The following ACACB variants were observed in gnomAD, a reference collection of about 807,000 sequenced individuals.
ACACB encodes the protein acetyl-CoA carboxylase 2.
A neutral mutation model predicts 278.8 loss-of-function variants in ACACB; 209 were observed. The observed-to-expected ratio is 0.75, with a 90% CI of 0.67 to 0.84. The LOEUF is 0.84. Among genes scored for constraint, ACACB ranks in the 40% least tolerant of loss-of-function variants. ACACB has a pLI of 0.00. For synonymous variants in ACACB, 1,174 were observed against 1,285.6 expected (o/e 0.91, Z 1.86); for missense variants, 2,850 against 3,269.0 (o/e 0.87, Z 3.13).
At chr12:109,243,147 A>G (rs1232472358) in intron 37 of ACACB, among the ~76,000 whole-genome samples, 3 of 152,246 alleles carry the variant, frequency 2.0e-5, no homozygotes, top group Non-Finnish European at 4.4e-5. Flanking sequence ...CCACACTCTG[A>G]TGACAAATTG....
intron 37 of ACACB, among the ~76,000 whole-genome samples, chr12:109,244,342 C>A (rs1054459589): frequency 6.6e-6 from 1 of 152,176 alleles, no homozygotes; most frequent in Admixed American, 6.5e-5. Flanking sequence ...TTCCTGCTGT[C>A]CCTAGCCAAG....
In ACACB at chr12:109,132,653, A is replaced by G. The variant is rs576623315; in HGVS notation, c.-9-6744A>G. On this transcript the variant is annotated intron_variant, in intron 1 of 52. Transcript: ENST00000338432. ...TTTATAGATGAGGAAACTGAGGCTCAGAGAGTTTCTTCTGTAGCTTTCTCA... is the reference window on the plus strand; with the variant it reads ...TTTATAGATGAGGAAACTGAGGCTCGGAGAGTTTCTTCTGTAGCTTTCTCA... Among the ~76,000 whole-genome samples the G allele has an allele frequency of 1.1e-4, 17 of 152,318 alleles. No individual in the cohort carries two copies. The South Asian group carries it at 1.7e-3, about 15-fold the overall frequency.
chr12:109,256,212 AGACCGTGGT>A lies in ACACB; in HGVS notation c.6243_6251del (p.Val2082_Thr2084del). On this transcript the variant is annotated inframe_deletion, in exon 45 of 53. Coordinates refer to ENST00000338432, the MANE Select transcript of ACACB (RefSeq NM_001093.4). ...AAGGAAATCATGGCACCCTGGGCGC[AGACCGTGGT>A]GACAGGACGAGCAAGGTAATCATGA... 1 of 1,613,978 alleles carries A rather than the reference AGACCGTGGT, an allele frequency of 6.2e-7. No homozygotes were observed. The highest frequency in any genetic ancestry group is 1.1e-5 in the South Asian group (1 of 91,078).
chr12:109,217,954 C>G (rs892111368), intron 24 of ACACB, among the ~76,000 whole-genome samples: 1 of 152,194 alleles, frequency 6.6e-6, no homozygotes, highest in Non-Finnish European at 1.5e-5. Context: ...ATTTAATTCA[C>G]GCAGCAGTCC....
At chr12:109,188,592 C>T (rs577261933) in intron 13 of ACACB, among the ~76,000 whole-genome samples, 194 of 151,688 alleles carry the variant, frequency 1.3e-3, no homozygotes, top group Non-Finnish European at 2.2e-3. Context: ...AGAAATGAAA[C>T]GGTCCCCTGG....
intron 48 of ACACB, among the ~76,000 whole-genome samples, chr12:109,260,893 TATG>T (rs1199343696): frequency 2.0e-5 from 3 of 152,160 alleles, no homozygotes; most frequent in African/African-American, 7.2e-5. Context: ...AAAAGGGAAA[TATG>T]ATGAGCCATT....
intron 11 of ACACB, among the ~76,000 whole-genome samples, chr12:109,181,151 C>G (rs2044451850): frequency 6.6e-6 from 1 of 151,734 alleles, no homozygotes; most frequent in Non-Finnish European, 1.5e-5. Context: ...TGTTGCAAAT[C>G]ATGGTCTCAT....
intron 47 of ACACB, 191 bp from the exon 48 acceptor site, chr12:109,260,289 C>T: frequency 1.8e-6 from 2 of 1,131,826 alleles, no homozygotes; most frequent in Non-Finnish European, 2.6e-6. Flanking sequence ...CTGAGGCCCA[C>T]ACTGGGTGAA....
At chr12:109,212,789 G>A (rs2045887375) in intron 21 of ACACB, 47 bp from the exon 22 acceptor site, 1 of 1,510,546 alleles carries the variant, frequency 6.6e-7, no homozygotes, top group Non-Finnish European at 9.2e-7. Context: ...ACTGCTGTGT[G>A]TCATCTGAAT....
At chr12:109,206,552 G>A (rs12818314) in intron 19 of ACACB, among the ~76,000 whole-genome samples, 158 bp from the exon 20 acceptor site, 59,626 of 151,818 alleles carry the variant, frequency 0.39, 12,454 homozygotes, top group African/African-American at 0.54. Flanking sequence ...GAGTTTGGCC[G>A]TTTTAACTTT....
intron 2 of ACACB, among the ~76,000 whole-genome samples, chr12:109,144,075 G>A (rs1408138697): frequency 6.6e-6 from 1 of 152,148 alleles, no homozygotes; most frequent in Non-Finnish European, 1.5e-5. Context: ...TACTTTGGGA[G>A]GCTGAGGTGG....
At position 109,168,040 on chromosome 12, in the gene ACACB, TG is replaced by T. The variant is rs1372459250; in HGVS notation, c.925+9del. ...GGACCTTAAGGCCAACGCAGGTACC[TG>T]GGCCTTGACCCTCTCCTCCCATCAC... On this transcript the variant is annotated splice_region_variant and intron_variant, in intron 4 of 52. Transcript: ENST00000338432. 4 of 1,601,586 alleles carry T rather than the reference TG, an allele frequency of 2.5e-6. No individual in the cohort carries two copies. Among genetic ancestry groups the T allele is most frequent in the Non-Finnish European group, 3.4e-6 (4 of 1,172,962 alleles).
chr12:109,240,044 G>C, intron 35 of ACACB, 59 bp downstream of exon 35: 1 of 1,562,768 alleles, frequency 6.4e-7, no homozygotes, highest in Non-Finnish European at 8.7e-7. Context: ...GAGCCATGCT[G>C]CTTTGGGGTA....
intron 2 of ACACB, among the ~76,000 whole-genome samples, chr12:109,152,718 C>T (rs1266256674): frequency 2.9e-5 from 4 of 138,054 alleles, no homozygotes; most frequent in Admixed American, 1.6e-4. Context: ...GATCATGGCT[C>T]ACTGCAGCCT....
chr12:109,217,467 G>C (rs2046037055), intron 24 of ACACB, among the ~76,000 whole-genome samples: 1 of 152,050 alleles, frequency 6.6e-6, no homozygotes, highest in Non-Finnish European at 1.5e-5. Context: ...AGGAGTTCAA[G>C]TCCAGCCTAG....
In ACACB at chr12:109,235,603, C is replaced by T. The variant is rs1246864377; in HGVS notation, c.4405-3C>T. 1 of 1,612,346 alleles carries T rather than the reference C, an allele frequency of 6.2e-7. No homozygotes were observed. The highest frequency in any genetic ancestry group is 8.5e-7 in the Non-Finnish European group (1 of 1,178,642). On this transcript the variant is annotated splice_region_variant and splice_polypyrimidine_tract_variant and intron_variant, in intron 32 of 52. Coordinates refer to ENST00000338432, the MANE Select transcript of ACACB (RefSeq NM_001093.4). ...TGTCTTGTGTGTGGATTTCTTTTTG[C>T]AGAAAGAATTTCCCAAGTTTTTCAC...
At chr12:109,118,412 CT>C (rs59488592) in intron 1 of ACACB, among the ~76,000 whole-genome samples, 27,785 of 129,200 alleles carry the variant, frequency 0.22, 2,010 homozygotes, top group East Asian at 0.31. Flanking sequence ...TGACCTTGTT[CT>C]TTTTTTTTTT....
intron 33 of ACACB, 129 bp downstream of exon 33, chr12:109,235,776 T>C (rs779229630): frequency 1.3e-6 from 1 of 794,980 alleles, no homozygotes. Context: ...GGCAGGAGGT[T>C]TGCTTGAGCT....
rs779523944 is a variant in ACACB, at chr12:109,171,890, C to G, written c.1011C>G (p.Asp337Glu). ...NNYANVELIVDIAKRIPVQAV... is the reference protein window; with the variant it reads ...NNYANVELIVEIAKRIPVQAV... ...ATGCCAACGTGGAGCTGATTGTGGA[C>G]ATTGCCAAGAGAATCCCCGTGCAGG... The change falls in exon 5 of 53, where the codon GAC (aspartate) becomes GAG (glutamate). Residue 337 changes from aspartate (D) to glutamate (E), a missense_variant. Asp to Glu is a conservative substitution (Grantham distance 45, BLOSUM62 2). Around this residue, in one of 3 missense-constraint regions of ACACB, gnomAD observed 2,265 missense variants for 2,561.3 expected, o/e 0.88. Coordinates refer to ENST00000338432, the MANE Select transcript of ACACB (RefSeq NM_001093.4). The G allele has an allele frequency of 8.7e-6, 14 of 1,614,116 alleles. No homozygotes were observed. The Middle Eastern group carries it at 1.3e-3, about 152-fold the overall frequency.
Sources: gnomAD v4.1 joint callset for allele counts (sites outside exome capture counted in the v4.1 genomes callset) on GRCh38, gnomAD v4.1.1 for gene constraint, gnomAD v4.1.1 regional missense constraint, MANE v1.5 for transcripts, NCBI Gene and HGNC (gene_info 2026-07-23, HGNC 2026-07-21) for gene names.